Variants in LDLRAD4 observed in about 807,000 individuals in gnomAD.
The protein encoded by LDLRAD4 is low density lipoprotein receptor class A domain containing 4.
LDLRAD4 carries 5 observed loss-of-function variants against 17.0 expected under a neutral mutation model. The ratio of observed to expected loss-of-function variants is 0.29; its 90% CI spans 0.15 to 0.62. The LOEUF is 0.62. Ranked by LOEUF, LDLRAD4 falls within the 20% of genes least tolerant of loss-of-function variation. The pLI, the probability that LDLRAD4 is intolerant of heterozygous loss-of-function variation, is 0.84. For missense variants in LDLRAD4, 340 were observed against 424.7 expected, an observed-to-expected ratio of 0.80 and a Z score of 1.75; for synonymous variants, 168 against 171.8, an observed-to-expected ratio of 0.98 and a Z score of 0.17.
At chr18:13,541,111 C>T (rs758403311) in intron 3 of LDLRAD4, among the ~76,000 whole-genome samples, 7 of 152,144 alleles carry the variant, frequency 4.6e-5, no homozygotes, top group African/African-American at 7.2e-5. Context: ...AAAGCCAGCC[C>T]GACCCCGCAA....
intron 3 of LDLRAD4, among the ~76,000 whole-genome samples, chr18:13,616,855 C>T (rs528766711): frequency 1.3e-5 from 2 of 152,218 alleles, no homozygotes; most frequent in Non-Finnish European, 2.9e-5. Context: ...GTTCCTGCTC[C>T]CACAGCCTCT....
intron 5 of LDLRAD4, among the ~76,000 whole-genome samples, chr18:13,644,016 T>C (rs1342580211): frequency 6.6e-6 from 1 of 152,210 alleles, no homozygotes; most frequent in East Asian, 1.9e-4. Flanking sequence ...GGATTCATTT[T>C]GAAAAAATAA....
intron 4 of LDLRAD4, among the ~76,000 whole-genome samples, chr18:13,626,336 A>G (rs1257350913): frequency 6.6e-6 from 1 of 152,146 alleles, no homozygotes; most frequent in African/African-American, 2.4e-5. Context: ...CCGGAGAGCT[A>G]TTTGAACAAG....
At chr18:13,287,598 C>G (rs558724285) in intron 1 of LDLRAD4, among the ~76,000 whole-genome samples, 1 of 152,190 alleles carries the variant, frequency 6.6e-6, no homozygotes, top group Non-Finnish European at 1.5e-5. Flanking sequence ...GCTTCTGTAA[C>G]CTTCTCCACT....
intron 1 of LDLRAD4, among the ~76,000 whole-genome samples, chr18:13,244,972 G>A (rs935620510): frequency 4.6e-5 from 7 of 152,216 alleles, no homozygotes; most frequent in Non-Finnish European, 1.0e-4. Context: ...TCCGTCTGTG[G>A]CCCCTGCAAT....
intron 3 of LDLRAD4, among the ~76,000 whole-genome samples, chr18:13,509,602 C>T: frequency 6.6e-6 from 1 of 152,142 alleles, no homozygotes; most frequent in South Asian, 2.1e-4. Flanking sequence ...GAAATGACAA[C>T]AAAGGATTAG....
chr18:13,504,198 GA>G (rs1311624578), intron 3 of LDLRAD4, among the ~76,000 whole-genome samples: 4 of 152,286 alleles, frequency 2.6e-5, no homozygotes, highest in Middle Eastern at 3.4e-3. Flanking sequence ...CTCAAAAACA[GA>G]GACTTGGACA....
At chr18:13,582,647 G>A (rs370859231) in intron 3 of LDLRAD4, among the ~76,000 whole-genome samples, 110 of 152,340 alleles carry the variant, frequency 7.2e-4, no homozygotes, top group African/African-American at 2.3e-3. Context: ...GCCTTGCCAC[G>A]AGCTCTGCTC....
intron 4 of LDLRAD4, among the ~76,000 whole-genome samples, chr18:13,633,714 A>G (rs1277301956): frequency 1.4e-5 from 2 of 146,590 alleles, no homozygotes; most frequent in Admixed American, 1.4e-4. Context: ...GGGAGAAGCC[A>G]GGTAGCAGGA....
At chr18:13,532,308 A>G (rs987651270) in intron 3 of LDLRAD4, among the ~76,000 whole-genome samples, 1 of 152,236 alleles carries the variant, frequency 6.6e-6, no homozygotes, top group African/African-American at 2.4e-5. Context: ...ATACGTGACT[A>G]TACATTCAAG....
intron 1 of LDLRAD4, among the ~76,000 whole-genome samples, chr18:13,344,807 AGT>A (rs1448703062): frequency 6.6e-6 from 1 of 152,124 alleles, no homozygotes; most frequent in Non-Finnish European, 1.5e-5. Context: ...ATCCCTTTTA[AGT>A]TGGATTCCTA....
At chr18:13,531,767 G>A (rs530161720) in intron 3 of LDLRAD4, among the ~76,000 whole-genome samples, 16 of 152,042 alleles carry the variant, frequency 1.1e-4, no homozygotes, top group Non-Finnish European at 2.1e-4. Flanking sequence ...GAGAGAAAGC[G>A]CTGCATCTTT....
chr18:13,368,429 T>G (rs1363719101), intron 1 of LDLRAD4, among the ~76,000 whole-genome samples: 1 of 152,150 alleles, frequency 6.6e-6, no homozygotes, highest in Non-Finnish European at 1.5e-5. Context: ...CTGCTTTCTG[T>G]GTAGGGAGCT....
intron 3 of LDLRAD4, among the ~76,000 whole-genome samples, chr18:13,474,936 G>A (rs927865206): frequency 1.3e-5 from 2 of 152,146 alleles, no homozygotes; most frequent in African/African-American, 4.8e-5. Flanking sequence ...CTGCTTATCT[G>A]GGGTTAAGAT....
At chr18:13,420,822 G>A (rs112082503) in intron 2 of LDLRAD4, 1,527 of 152,322 alleles carry the variant, frequency 0.01, 30 homozygotes, top group African/African-American at 0.034. Context: ...ACTTCAGAAC[G>A]GTCGCGACAC....
intron 3 of LDLRAD4, among the ~76,000 whole-genome samples, chr18:13,551,638 C>G (rs776492580): frequency 1.3e-5 from 2 of 151,828 alleles, no homozygotes; most frequent in African/African-American, 4.8e-5. Context: ...GGTAGGAGGG[C>G]GGCCAACAGG....
chr18:13,520,857 A>C (rs867882169), intron 3 of LDLRAD4: 1 of 152,164 alleles, frequency 6.6e-6, no homozygotes, highest in African/African-American at 2.4e-5. Flanking sequence ...TCTGAAAAAA[A>C]AAAAGCCCTC....
intron 3 of LDLRAD4, chr18:13,500,826 CCATAAAACA>C (rs1157485775): frequency 1.3e-5 from 2 of 151,828 alleles, no homozygotes; most frequent in Non-Finnish European, 2.9e-5. Context: ...GTTTGTGAGG[CCATAAAACA>C]CATCATCAAA....
At chr18:13,342,347 G>A (rs1007336768) in intron 1 of LDLRAD4, among the ~76,000 whole-genome samples, 2 of 151,860 alleles carry the variant, frequency 1.3e-5, no homozygotes, top group African/African-American at 4.8e-5. Flanking sequence ...AGTCACCAGT[G>A]GAGACATCTA....
Sources: gnomAD v4.1 joint callset for allele counts (sites outside exome capture counted in the v4.1 genomes callset) on GRCh38, gnomAD v4.1.1 for gene constraint, MANE v1.5 for transcripts, NCBI Gene and HGNC (gene_info 2026-07-23, HGNC 2026-07-21) for gene names.